FAM234A: variants seen among roughly 807,000 people sequenced by gnomAD.
FAM234A encodes the protein family with sequence similarity 234 member A.
A neutral mutation model predicts 49.1 loss-of-function variants in FAM234A; 42 were observed. The observed-to-expected ratio is 0.86, with a 90% CI of 0.67 to 1.11. The LOEUF is 1.11. FAM234A is among the 50% of genes least tolerant of loss of function. The pLI, the probability that FAM234A is intolerant of heterozygous loss-of-function variation, is 0.00. For synonymous variants in FAM234A, 369 were observed against 316.2 expected, an observed-to-expected ratio of 1.17 and a Z score of -1.77; for missense variants, 815 against 745.2, an observed-to-expected ratio of 1.09 and a Z score of -1.09.
Position 246,524 on chromosome 16 carries a change from A to G in FAM234A, c.-139-3025A>G, listed in dbSNP as rs533193135. Among the ~76,000 whole-genome samples the G allele has an allele frequency of 4.0e-3, 550 of 137,058 alleles. 8 individuals are homozygous for G. Among genetic ancestry groups the G allele is most frequent in the African/African-American group, 0.015 (521 of 35,440 alleles). The allele number at this position is 137,058 out of a possible 152,430, so 89.9% of individuals were successfully genotyped here. ...AAGCTCTGCCTCCCGGGTTCACGCC[A>G]TTCTCCTGCCTCAGCCTCCCGAGTA... is the stretch of plus-strand genomic sequence containing the variant. On this transcript the variant is annotated intron_variant, in intron 1 of 12. Coordinates refer to ENST00000399932, the MANE Select transcript of FAM234A (RefSeq NM_032039.4).
intron 1 of FAM234A, among the ~76,000 whole-genome samples, chr16:239,916 G>A (rs983478577): frequency 1.3e-5 from 2 of 152,120 alleles, no homozygotes; most frequent in African/African-American, 4.8e-5. Context: ...GATCTTTAAA[G>A]TGGTTCTGGA....
intron 2 of FAM234A, among the ~76,000 whole-genome samples, chr16:250,366 C>T (rs886642439): frequency 6.6e-6 from 1 of 151,864 alleles, no homozygotes. Flanking sequence ...GGCACTCCTA[C>T]GTTCTGTTGC....
At chr16:244,214 C>T (rs1047850019) in intron 1 of FAM234A, among the ~76,000 whole-genome samples, 14 of 152,082 alleles carry the variant, frequency 9.2e-5, no homozygotes, top group African/African-American at 9.7e-5. Flanking sequence ...GTGATCCACC[C>T]GCCTTGGCCT....
chr16:236,283 C>T (rs1015435468), intron 1 of FAM234A, among the ~76,000 whole-genome samples: 1 of 151,800 alleles, frequency 6.6e-6, no homozygotes, highest in Non-Finnish European at 1.5e-5. Flanking sequence ...CTCCACCCTC[C>T]TGAGTATCTG....
At chr16:254,058 T>A (rs1045709098) in intron 2 of FAM234A, 3 of 293,956 alleles carry the variant, frequency 1.0e-5, no homozygotes, top group Non-Finnish European at 1.9e-5. Context: ...TAGGTGGGGC[T>A]TAGTTAACAC....
At chr16:236,671 G>C (rs1234124789) in intron 1 of FAM234A, among the ~76,000 whole-genome samples, 17 of 149,544 alleles carry the variant, frequency 1.1e-4, no homozygotes, top group Admixed American at 2.7e-4. Flanking sequence ...CTTTGGGAGG[G>C]CGAGGCGGGC....
Position 262,523 on chromosome 16 carries a change from A to C in FAM234A, c.941A>C (p.Asn314Thr). ...KSDPHWESML[N>T]ATTRRMLSHS... ...GACCCGCACTGGGAGAGCATGCTCAATGCCACCACCCGCAGGATGCTTTCC... is the reference window on the plus strand; with the variant it reads ...GACCCGCACTGGGAGAGCATGCTCACTGCCACCACCCGCAGGATGCTTTCC... The change falls in exon 8 of 13, where the codon AAT (asparagine) becomes ACT (threonine). Residue 314 changes from asparagine to threonine, a missense_variant. Transcript: ENST00000399932. 3 of 1,610,164 alleles carry C rather than the reference A, an allele frequency of 1.9e-6. No individual in the cohort carries two copies. The highest frequency in any genetic ancestry group is 2.5e-6 in the Non-Finnish European group (3 of 1,178,318).
At chr16:245,252 T>C (rs1472319398) in intron 1 of FAM234A, among the ~76,000 whole-genome samples, 1 of 151,958 alleles carries the variant, frequency 6.6e-6, no homozygotes, top group Admixed American at 6.6e-5. Context: ...TAGGCTGAGG[T>C]GGGAGAATCT....
Position 263,335 on chromosome 16 carries a change from G to T in FAM234A, c.1045G>T (p.Ala349Ser). The change falls in exon 9 of 13, where the codon GCC (alanine) becomes TCC (serine). Residue 349 changes from alanine (A) to serine (S), a missense_variant. Coordinates refer to ENST00000399932, the MANE Select transcript of FAM234A (RefSeq NM_032039.4). Reference sequence around the variant, plus strand: ...AGATGTGCTTCTTGTGGGCTCAGAGGCCTTCGTGCTGCTGGACGGGCAGGA... The same window carrying T: ...AGATGTGCTTCTTGTGGGCTCAGAGTCCTTCGTGCTGCTGGACGGGCAGGA... ...GADVLLVGSE[A>S]FVLLDGQELT... 6.2e-7 allele frequency: 1 copy of T among 1,613,104 alleles called. No homozygotes were observed. The highest frequency in any genetic ancestry group is 8.5e-7 in the Non-Finnish European group (1 of 1,180,010).
At chr16:268,781 C>A (rs2051785415), downstream of FAM234A, 1 of 1,550,060 alleles carries the variant, frequency 6.5e-7, no homozygotes, top group Non-Finnish European at 8.7e-7. Context: ...TCCAGGCTCA[C>A]ACTGGGCGAC....
Position 257,075 on chromosome 16 carries a change from C to T in FAM234A, c.268+2394C>T, listed in dbSNP as rs555641233. Among the ~76,000 whole-genome samples, 7 of 152,126 alleles carry T rather than the reference C, an allele frequency of 4.6e-5. No individual in the cohort carries two copies. In the East Asian group the frequency reaches 1.4e-3, roughly 29 times the overall value. The stretch of plus-strand genomic sequence containing the variant: ...TGTATTTTTAGTAGATGCGAGGTTT[C>T]ACCATGTTGGCCAGGCTGATCTCAA... On this transcript the variant is annotated intron_variant, in intron 3 of 12. Coordinates refer to ENST00000399932, the MANE Select transcript of FAM234A (RefSeq NM_032039.4).
rs2051651390 is a variant in FAM234A, at chr16:265,204, G to A, written c.*182G>A. 1 of 1,412,454 alleles carries A rather than the reference G, an allele frequency of 7.1e-7. No individual in the cohort carries two copies. The highest frequency in any genetic ancestry group is 1.4e-5 in the African/African-American group (1 of 69,378). The allele number at this position is 1,412,454 out of a possible 1,614,324, so 87.5% of individuals were successfully genotyped here. A position where few individuals can be genotyped will look rare whatever the true frequency, so the allele number is the denominator to read the frequency against. On this transcript the variant is annotated 3_prime_UTR_variant, in exon 13 of 13. Transcript: ENST00000399932. ...CACACCCAGGGACCTGCATGGGTGAGGGGACACCCTGGGCCTCTCTCCCGC... is the reference window on the plus strand; with the variant it reads ...CACACCCAGGGACCTGCATGGGTGAAGGGACACCCTGGGCCTCTCTCCCGC...
downstream of FAM234A, chr16:269,436 C>T: frequency 1.3e-6 from 2 of 1,587,568 alleles, no homozygotes; most frequent in Non-Finnish European, 1.7e-6. Context: ...GTCCTGCCCA[C>T]CTCACTGCAG....
At chr16:260,253 C>T (rs2051406748) in intron 5 of FAM234A, 93 bp downstream of exon 5, 2 of 1,183,198 alleles carry the variant, frequency 1.7e-6, no homozygotes, top group African/African-American at 1.5e-5. Context: ...CGACGAGGCT[C>T]AGCCCTGTGA....
At chr16:253,588 C>T (rs923076807) in intron 2 of FAM234A, among the ~76,000 whole-genome samples, 3 of 152,010 alleles carry the variant, frequency 2.0e-5, no homozygotes, top group Admixed American at 1.3e-4. Flanking sequence ...CATTCTCCAG[C>T]CTCAGCCTCC....
chr16:262,359 C>T (rs1012672720), intron 7 of FAM234A, 65 bp from the exon 8 acceptor site: 53 of 1,555,890 alleles, frequency 3.4e-5, no homozygotes, highest in Non-Finnish European at 4.4e-5. Context: ...TGTGGCACTG[C>T]GTGCCCCTGG....
intron 1 of FAM234A, among the ~76,000 whole-genome samples, chr16:240,702 A>G (rs1249982798): frequency 1.3e-5 from 2 of 151,984 alleles, no homozygotes; most frequent in South Asian, 2.1e-4. Context: ...GGGTTTCACA[A>G]TGTTGGCCAG....
chr16:260,627 G>C (rs1215685082), intron 5 of FAM234A: 4 of 473,088 alleles, frequency 8.5e-6, no homozygotes, highest in Non-Finnish European at 1.8e-5. Context: ...GGAAGGACGA[G>C]GGAAAGAATG....
chr16:263,165 A>C (rs1295478889), intron 8 of FAM234A, 97 bp from the exon 9 acceptor site: 15 of 1,447,002 alleles, frequency 1.0e-5, no homozygotes, highest in Non-Finnish European at 1.3e-5. Flanking sequence ...TGGGGGCCTA[A>C]GAGGAGCACC....
Sources: gnomAD v4.1 joint callset for allele counts (sites outside exome capture counted in the v4.1 genomes callset) on GRCh38, gnomAD v4.1.1 for gene constraint, MANE v1.5 for transcripts, NCBI Gene and HGNC (gene_info 2026-07-23, HGNC 2026-07-21) for gene names.